The following CACNA1B variants were observed in gnomAD, a reference collection of about 807,000 sequenced individuals.
CACNA1B encodes the protein voltage-dependent N-type calcium channel subunit alpha-1B.
In CACNA1B, 70 loss-of-function variants were observed where a neutral mutation model predicts 247.2. The ratio of observed to expected loss-of-function variants is 0.28; its 90% confidence interval spans 0.23 to 0.35. The LOEUF (loss-of-function observed/expected upper bound fraction) is 0.35, where lower values mean the gene tolerates loss of function less well. CACNA1B is among the 10% of genes least tolerant of loss of function. CACNA1B has a pLI of 1.00. For missense variants in CACNA1B, 2,367 were observed against 3,197.4 expected, an observed-to-expected ratio of 0.74 and a Z score of 6.26; for synonymous variants, 1,231 against 1,294.4, an observed-to-expected ratio of 0.95 and a Z score of 1.05.
chr9:138,064,848 C>T (rs1409823109), intron 31 of CACNA1B, among the ~76,000 whole-genome samples: 2 of 152,378 alleles, frequency 1.3e-5, no homozygotes, highest in Middle Eastern at 3.4e-3. Flanking sequence ...TCCCGTCAAC[C>T]CTGGCCTGCA....
At position 137,888,248 on chromosome 9, in the gene CACNA1B, G is replaced by A. The variant is rs1231361533; in HGVS notation, c.530+5365G>A. On this transcript the variant is annotated intron_variant, in intron 3 of 46. Transcript: ENST00000371372. The surrounding 1 kb of genome is among the most constrained non-coding windows in gnomAD (Gnocchi z 4.7). ...CCACGGGAAGCCCCGTGGTGCCTCC[G>A]GAGTCTGTCACCCATCGGCGCAGGT... Among the ~76,000 whole-genome samples the A allele has an allele frequency of 9.9e-5, 15 of 152,148 alleles. No individual in the cohort carries two copies. Among genetic ancestry groups the A allele is most frequent in the Admixed American group, 5.2e-4 (8 of 15,300 alleles).
chr9:137,877,821 G>T lies in CACNA1B; in HGVS notation c.-113G>T. ...CGGCTGCGGCGGTGGGGCCGGGCGAGGTCCGCTGCGGTCCCGGCGGCTCCG... is the reference window on the plus strand; with the variant it reads ...CGGCTGCGGCGGTGGGGCCGGGCGATGTCCGCTGCGGTCCCGGCGGCTCCG... On this transcript the variant is annotated 5_prime_UTR_variant, in exon 1 of 47. The change creates a new upstream start codon in the 5' untranslated region. Transcript: ENST00000371372. 5.8e-6 allele frequency: 3 copies of T among 515,556 alleles called. No individual in the cohort carries two copies. Among genetic ancestry groups the T allele is most frequent in the Non-Finnish European group, 7.5e-6 (3 of 400,712 alleles). The allele number at this position is 515,556 out of a possible 1,614,324, so 31.9% of individuals were successfully genotyped here.
chr9:137,885,008 A>C (rs1330180275), intron 3 of CACNA1B, among the ~76,000 whole-genome samples: 15 of 79,560 alleles, frequency 1.9e-4, no homozygotes, highest in Admixed American at 7.6e-4. Flanking sequence ...TCTCCTCTCC[A>C]CGCTCTCTGT....
At position 138,120,390 on chromosome 9, in the gene CACNA1B, CG is replaced by C. The variant is rs1564298588; in HGVS notation, c.6238+22del. On this transcript the variant is annotated intron_variant, in intron 45 of 46. Transcript: ENST00000371372. Reference sequence around the variant, plus strand: ...GGATGGCGGTGCGTGCGGAGGGGCCCGGGGAGTCCTTCGGGGAGCTATGGCC... The same window carrying C: ...GGATGGCGGTGCGTGCGGAGGGGCCCGGGAGTCCTTCGGGGAGCTATGGCC... 1 of 1,532,478 alleles carries C rather than the reference CG, an allele frequency of 6.5e-7. No individual in the cohort carries two copies. Among genetic ancestry groups the C allele is most frequent in the Non-Finnish European group, 8.7e-7 (1 of 1,143,314 alleles). 94.9% of individuals were successfully genotyped at this position (1,532,478 alleles called of 1,614,324 possible).
intron 40 of CACNA1B, among the ~76,000 whole-genome samples, chr9:138,112,720 C>G (rs985289291): frequency 5.9e-5 from 9 of 152,214 alleles, no homozygotes; most frequent in African/African-American, 1.7e-4. Flanking sequence ...TGTTGAGCTC[C>G]TGGTGTGTGG....
intron 40 of CACNA1B, 77 bp from the exon 41 acceptor site, chr9:138,114,301 T>C: frequency 1.3e-6 from 1 of 744,030 alleles, no homozygotes; most frequent in Non-Finnish European, 2.4e-6. Context: ...GGCTGTTTCC[T>C]CACCTTACTT....
chr9:137,994,401 C>G (rs1462352822), intron 15 of CACNA1B, among the ~76,000 whole-genome samples: 1 of 152,196 alleles, frequency 6.6e-6, no homozygotes, highest in Non-Finnish European at 1.5e-5. Flanking sequence ...AAGAGGAAGT[C>G]AAACTGTCAC....
intron 6 of CACNA1B, among the ~76,000 whole-genome samples, chr9:137,941,044 GT>G (rs1251555807): frequency 6.6e-6 from 1 of 152,132 alleles, no homozygotes; most frequent in African/African-American, 2.4e-5. Context: ...CTTCAACATA[GT>G]AATGGAAGTC....
intron 41 of CACNA1B, 72 bp from the exon 42 acceptor site, chr9:138,115,471 TGCCACATGG>T: frequency 6.9e-7 from 1 of 1,457,268 alleles, no homozygotes; most frequent in Non-Finnish European, 9.3e-7. Flanking sequence ...TTTTGCCCCA[TGCCACATGG>T]TCAGAGCAGG....
chr9:137,883,715 G>A (rs1369702612), intron 3 of CACNA1B, among the ~76,000 whole-genome samples: 3 of 152,206 alleles, frequency 2.0e-5, no homozygotes, highest in African/African-American at 7.2e-5. Flanking sequence ...GAGCCTGTTA[G>A]CACTTCAGTG....
intron 6 of CACNA1B, among the ~76,000 whole-genome samples, chr9:137,951,870 G>T (rs761170717): frequency 2.0e-5 from 3 of 152,220 alleles, no homozygotes; most frequent in African/African-American, 4.8e-5. Flanking sequence ...GCCCCCTTCA[G>T]GAGGACATGG....
At chr9:137,892,212 G>A (rs1223285405) in intron 3 of CACNA1B, 14 of 456,664 alleles carry the variant, frequency 3.1e-5, no homozygotes, top group South Asian at 1.5e-4. Context: ...CAGCACAGCC[G>A]GGCGCTGCAA....
chr9:138,073,991 G>C lies in CACNA1B; in HGVS notation c.4792-10G>C, dbSNP rs751940783. 1.9e-6 allele frequency: 3 copies of C among 1,610,014 alleles called. No homozygotes were observed. The highest frequency in any genetic ancestry group is 2.5e-6 in the Non-Finnish European group (3 of 1,179,176). ...AGGTGCCTGTAGCTGACCGGCCCCT[G>C]TCTCCGCAGGCCCTGCCCTACGTGT... On this transcript the variant is annotated splice_polypyrimidine_tract_variant and intron_variant, in intron 33 of 46. Coordinates refer to ENST00000371372, the MANE Select transcript of CACNA1B (RefSeq NM_000718.4). This position sits in a 1 kb window ranked among gnomAD's most constrained non-coding sequence, Gnocchi z 6.4.
intron 12 of CACNA1B, among the ~76,000 whole-genome samples, chr9:137,983,309 C>G (rs1349022598): frequency 1.3e-5 from 2 of 152,188 alleles, no homozygotes; most frequent in African/African-American, 4.8e-5. Context: ...AGATTGTGCC[C>G]CTTGAGGTAT....
rs1053461516 is a variant in CACNA1B, at chr9:138,023,885, G to T, written c.3068+74G>T. 9 of 755,044 alleles carry T rather than the reference G, an allele frequency of 1.2e-5. No individual in the cohort carries two copies. In the East Asian group the frequency reaches 1.5e-4, roughly 12 times the overall value. The allele number at this position is 755,044 out of a possible 1,614,324, so 46.8% of individuals were successfully genotyped here. A position where few individuals can be genotyped will look rare whatever the true frequency, so the allele number is the denominator to read the frequency against. ...GGCGCGGGCCCCAGCGGTGGCTGCG[G>T]CCATGGGGTCCACGGCGGAGGCTGC... is the stretch of plus-strand genomic sequence containing the variant. On this transcript the variant is annotated intron_variant, in intron 19 of 46. Transcript: ENST00000371372.
intron 43 of CACNA1B, 41 bp downstream of exon 43, chr9:138,118,122 G>T (rs202038329): frequency 2.4e-5 from 32 of 1,351,758 alleles, no homozygotes; most frequent in Non-Finnish European, 2.8e-5. Flanking sequence ...GTTGGGGGAT[G>T]TGTGAACAGG....
In CACNA1B at chr9:137,919,606, C is replaced by T. The variant is rs1957454457; in HGVS notation, c.966+2175C>T. Among the ~76,000 whole-genome samples the T allele has an allele frequency of 6.6e-6, 1 of 152,264 alleles. No individual in the cohort carries two copies. Among genetic ancestry groups the T allele is most frequent in the Admixed American group, 6.5e-5 (1 of 15,294 alleles). Reference sequence around the variant, plus strand: ...GAGAGCGAGAGCCCGCCCCTCACCTCCAACCCAGTGAGAGGGACTTTTGTG... The same window carrying T: ...GAGAGCGAGAGCCCGCCCCTCACCTTCAACCCAGTGAGAGGGACTTTTGTG... On this transcript the variant is annotated intron_variant, in intron 6 of 46. Coordinates refer to ENST00000371372, the MANE Select transcript of CACNA1B (RefSeq NM_000718.4). This position sits in a 1 kb window ranked among gnomAD's most constrained non-coding sequence, Gnocchi z 4.6.
chr9:137,914,513 C>T lies in CACNA1B; in HGVS notation c.623-141C>T. The T allele has an allele frequency of 1.5e-6, 1 of 670,394 alleles. No homozygotes were observed. Among genetic ancestry groups the T allele is most frequent in the Non-Finnish European group, 2.6e-6 (1 of 391,106 alleles). 41.5% of individuals were successfully genotyped at this position (670,394 alleles called of 1,614,324 possible). A position where few individuals can be genotyped will look rare whatever the true frequency, so the allele number is the denominator to read the frequency against. ...CTCTGCGCCTTAAGGGGCTTCAGCT[C>T]TATCCTTTGCCCTTGCAAGCACTCA... is the stretch of plus-strand genomic sequence containing the variant. On this transcript the variant is annotated intron_variant, in intron 4 of 46. Coordinates refer to ENST00000371372, the MANE Select transcript of CACNA1B (RefSeq NM_000718.4). The surrounding 1 kb of genome is among the most constrained non-coding windows in gnomAD (Gnocchi z 4.3).
intron 16 of CACNA1B, 96 bp downstream of exon 16, chr9:138,006,980 C>T (rs1317318000): frequency 2.0e-5 from 14 of 692,532 alleles, no homozygotes; most frequent in East Asian, 5.5e-5. Flanking sequence ...GACTAGGGGC[C>T]GTGGACGTGA....
Sources: gnomAD v4.1 joint callset for allele counts (sites outside exome capture counted in the v4.1 genomes callset) on GRCh38, gnomAD v4.1.1 for gene constraint, Gnocchi (gnomAD v3.1) non-coding constraint, MANE v1.5 for transcripts, NCBI Gene and HGNC (gene_info 2026-07-23, HGNC 2026-07-21) for gene names.